The following PARVA variants were observed in gnomAD, a reference collection of about 807,000 sequenced individuals.
PARVA encodes the protein parvin alpha.
Under a neutral mutation model 52.6 loss-of-function variants are expected in PARVA, and 25 were observed. The observed-to-expected ratio is 0.48, with a 90% confidence interval of 0.35 to 0.66. The LOEUF (loss-of-function observed/expected upper bound fraction) is 0.66, where lower values mean the gene tolerates loss of function less well. Among genes scored for constraint, PARVA ranks in the 30% least tolerant of loss-of-function variants. The probability of loss-of-function intolerance (pLI) is 0.01; values close to 1 mark genes in which losing one functional copy is unlikely to be tolerated. For missense variants in PARVA, 373 were observed against 450.9 expected (o/e 0.83, Z 1.56); for synonymous variants, 185 against 179.1 (o/e 1.03, Z -0.26).
At chr11:12,475,385 T>C (rs1412607669) in intron 3 of PARVA, among the ~76,000 whole-genome samples, 1 of 152,260 alleles carries the variant, frequency 6.6e-6, no homozygotes, top group Admixed American at 6.5e-5. Flanking sequence ...CGTAATATTA[T>C]AGCTTCTCAT....
At chr11:12,400,307 T>A (rs1190989027) in intron 1 of PARVA, among the ~76,000 whole-genome samples, 4 of 152,256 alleles carry the variant, frequency 2.6e-5, no homozygotes. Context: ...CCAGTGAGGT[T>A]GAATGTTTTT....
intron 4 of PARVA, chr11:12,480,043 G>T (rs1046787304): frequency 1.3e-5 from 2 of 152,108 alleles, no homozygotes; most frequent in African/African-American, 4.8e-5. Flanking sequence ...GGTCAACATG[G>T]TGAAACCCTG....
At chr11:12,521,029 T>A (rs1941630396) in intron 12 of PARVA, among the ~76,000 whole-genome samples, 1 of 152,208 alleles carries the variant, frequency 6.6e-6, no homozygotes, top group African/African-American at 2.4e-5. Flanking sequence ...CAAATGCACA[T>A]GTCCACCCTG....
At position 12,527,980 on chromosome 11, in the gene PARVA, C is replaced by A; in HGVS notation, c.*55C>A. On this transcript the variant is annotated 3_prime_UTR_variant, in exon 13 of 13. Transcript: ENST00000334956. ...GAGTTCTTGCTGTTGGCGTACTGGA[C>A]CCTCCTCCGAACTGCCTTACCCTGC... 3.1e-6 allele frequency: 4 copies of A among 1,279,308 alleles called. No individual in the cohort carries two copies. The highest frequency in any genetic ancestry group is 4.6e-6 in the Non-Finnish European group (4 of 875,792). The allele number at this position is 1,279,308 out of a possible 1,614,324, so 79.2% of individuals were successfully genotyped here. A position where few individuals can be genotyped will look rare whatever the true frequency, so the allele number is the denominator to read the frequency against.
intron 1 of PARVA, among the ~76,000 whole-genome samples, chr11:12,437,301 T>C (rs1940399427): frequency 6.6e-6 from 1 of 152,216 alleles, no homozygotes; most frequent in African/African-American, 2.4e-5. Flanking sequence ...TTGCCAGGCA[T>C]GTGCCTATTC....
chr11:12,519,059 C>A (rs550496229), intron 12 of PARVA, among the ~76,000 whole-genome samples: 2 of 152,214 alleles, frequency 1.3e-5, no homozygotes, highest in Non-Finnish European at 2.9e-5. Flanking sequence ...GGAGTGCACA[C>A]GTGCATTCGT....
At position 12,381,559 on chromosome 11, in the gene PARVA, G is replaced by A. The variant is rs568733894; in HGVS notation, c.136+3776G>A. On this transcript the variant is annotated intron_variant, in intron 1 of 12. Coordinates refer to ENST00000334956, the MANE Select transcript of PARVA (RefSeq NM_018222.5). ...TGGGGGTTATGGACATTGACCCCCT[G>A]TACAGTCAAAAATCTGTGTATAGTT... Among the ~76,000 whole-genome samples, 10 of 152,296 alleles carry A rather than the reference G, an allele frequency of 6.6e-5. No individual in the cohort carries two copies. In the South Asian group the frequency reaches 1.7e-3, roughly 25 times the overall value.
At position 12,530,752 on chromosome 11, in the gene PARVA, G is replaced by A. The variant is rs545713250; in HGVS notation, c.*2827G>A. On this transcript the variant is annotated 3_prime_UTR_variant, in exon 13 of 13. Coordinates refer to ENST00000334956, the MANE Select transcript of PARVA (RefSeq NM_018222.5). Reference sequence around the variant, plus strand: ...CACTTAATGTTATATCTTGGATATTGTATTACCCTGGGTATTAAAAAGAAC... The same window carrying A: ...CACTTAATGTTATATCTTGGATATTATATTACCCTGGGTATTAAAAAGAAC... The A allele has an allele frequency of 1.0e-3, 159 of 152,150 alleles. 3 individuals are homozygous for A. Among genetic ancestry groups the A allele is most frequent in the African/African-American group, 3.6e-3 (151 of 41,504 alleles). The allele number at this position is 152,150 out of a possible 1,614,324, so 9.4% of individuals were successfully genotyped here. A position where few individuals can be genotyped will look rare whatever the true frequency, so the allele number is the denominator to read the frequency against.
At chr11:12,413,948 G>A (rs1323996475) in intron 1 of PARVA, among the ~76,000 whole-genome samples, 2 of 152,162 alleles carry the variant, frequency 1.3e-5, no homozygotes, top group African/African-American at 2.4e-5. Context: ...TTGGACTTTT[G>A]TCTCATGCCA....
At chr11:12,407,668 C>G (rs934600743) in intron 1 of PARVA, among the ~76,000 whole-genome samples, 12 of 152,176 alleles carry the variant, frequency 7.9e-5, no homozygotes, top group African/African-American at 2.4e-4. Flanking sequence ...CTCAAATGAT[C>G]ACCAGCACAG....
chr11:12,501,513 T>G (rs1283338980), intron 5 of PARVA, among the ~76,000 whole-genome samples: 1 of 152,180 alleles, frequency 6.6e-6, no homozygotes, highest in African/African-American at 2.4e-5. Flanking sequence ...AGGCTGCAGT[T>G]AGGACTCCAG....
At chr11:12,417,820 CT>C (rs1299222605) in intron 1 of PARVA, among the ~76,000 whole-genome samples, 1 of 152,180 alleles carries the variant, frequency 6.6e-6, no homozygotes, top group African/African-American at 2.4e-5. Context: ...TTCCTTCTTG[CT>C]TATGGCCTGA....
intron 10 of PARVA, 26 bp downstream of exon 10, chr11:12,514,091 A>G: frequency 6.3e-7 from 1 of 1,586,164 alleles, no homozygotes; most frequent in South Asian, 1.1e-5. Context: ...CAGCACAGGT[A>G]GAGGCAGGGC....
chr11:12,517,698 GC>G lies in PARVA; in HGVS notation c.957del (p.Phe320LeufsTer6). 1 of 1,598,512 alleles carries G rather than the reference GC, an allele frequency of 6.3e-7. No individual in the cohort carries two copies. Among genetic ancestry groups the G allele is most frequent in the Non-Finnish European group, 8.5e-7 (1 of 1,171,904 alleles). On this transcript the variant is annotated frameshift_variant, in exon 11 of 13. Coordinates refer to ENST00000334956, the MANE Select transcript of PARVA (RefSeq NM_018222.5). LOFTEE classifies it high-confidence loss of function. Reference protein sequence around the residue: ...PLHSFFLTPDSFEQKVLNVSF... With the variant: ...PLHSFFLTPDXFEQKVLNVSF... ...CACAGCTTCTTCCTGACCCCGGACA[GC>G]TTTGAACAGAAGGTAAGGAGAAGGG...
intron 1 of PARVA, among the ~76,000 whole-genome samples, chr11:12,405,488 C>T (rs114511957): frequency 0.024 from 3,696 of 152,168 alleles, 157 homozygotes; most frequent in African/African-American, 0.084. Flanking sequence ...CACTTGGGCC[C>T]TGGAGGTCAA....
chr11:12,476,890 G>A (rs1475668320), intron 3 of PARVA, among the ~76,000 whole-genome samples: 1 of 152,176 alleles, frequency 6.6e-6, no homozygotes, highest in Non-Finnish European at 1.5e-5. Flanking sequence ...AGGCAAAGAC[G>A]TCCAACACAA....
intron 1 of PARVA, among the ~76,000 whole-genome samples, chr11:12,439,637 C>A (rs1164863840): frequency 6.6e-6 from 1 of 152,142 alleles, no homozygotes; most frequent in Non-Finnish European, 1.5e-5. Flanking sequence ...GTCACTACCT[C>A]GCAGTAAACT....
intron 4 of PARVA, among the ~76,000 whole-genome samples, chr11:12,490,647 CA>C (rs1277289897): frequency 3.9e-5 from 6 of 152,048 alleles, no homozygotes; most frequent in African/African-American, 1.4e-4. Context: ...ATGAACCCCC[CA>C]AAAATACCTA....
At chr11:12,417,496 A>T (rs1940084298) in intron 1 of PARVA, among the ~76,000 whole-genome samples, 1 of 152,232 alleles carries the variant, frequency 6.6e-6, no homozygotes, top group Non-Finnish European at 1.5e-5. Context: ...TACCTACAGT[A>T]TTAACAGTGA....
Sources: gnomAD v4.1 joint callset for allele counts (sites outside exome capture counted in the v4.1 genomes callset) on GRCh38, gnomAD v4.1.1 for gene constraint, MANE v1.5 for transcripts, NCBI Gene and HGNC (gene_info 2026-07-23, HGNC 2026-07-21) for gene names.